GGT1: variants seen among roughly 807,000 people sequenced by gnomAD.
The protein encoded by GGT1 is glutathione hydrolase 1 proenzyme.
In GGT1, 21 loss-of-function variants were observed where a neutral mutation model predicts 56.0. The observed-to-expected ratio is 0.38, with a 90% CI of 0.27 to 0.54. The LOEUF is 0.54. Among genes scored for constraint, GGT1 ranks in the 20% least tolerant of loss-of-function variants. GGT1 has a pLI of 0.82. For missense variants in GGT1, 466 were observed against 787.0 expected, an observed-to-expected ratio of 0.59 and a Z score of 4.88; for synonymous variants, 238 against 342.6, an observed-to-expected ratio of 0.69 and a Z score of 3.37.
At chr22:24,601,291 G>T (rs562376167), upstream of GGT1, among the ~76,000 whole-genome samples, 1 of 152,106 alleles carries the variant, frequency 6.6e-6, no homozygotes, top group African/African-American at 2.4e-5. Context: ...ACCCCACCCC[G>T]CCATGGCCCT....
chr22:24,588,551 A>G, the GGT1 span: 1 of 762,644 alleles, frequency 1.3e-6, no homozygotes. Flanking sequence ...AGGCTGGTCC[A>G]GTCCCGCAGT....
intron 1 of GGT1, among the ~76,000 whole-genome samples, chr22:24,604,833 C>T (rs1305265180): frequency 6.7e-6 from 1 of 148,794 alleles, no homozygotes; most frequent in African/African-American, 2.5e-5. Flanking sequence ...AAAGTGCCTC[C>T]CCTCCTGTCT....
At chr22:24,585,315 G>T in the GGT1 span, among the ~76,000 whole-genome samples, 1 of 152,230 alleles carries the variant, frequency 6.6e-6, no homozygotes, top group Non-Finnish European at 1.5e-5. Context: ...TGAGCTTGCT[G>T]TGGGGCTCCA....
At chr22:24,592,812 C>G (rs1011992746), upstream of GGT1, 5 of 1,266,004 alleles carry the variant, frequency 3.9e-6, 1 homozygote, top group African/African-American at 7.9e-5. Context: ...CCCCCAGACC[C>G]CCAGACCCTC....
intron 4 of GGT1, 98 bp from the exon 5 acceptor site, chr22:24,610,977 G>C: frequency 1.9e-6 from 2 of 1,063,726 alleles, no homozygotes; most frequent in South Asian, 3.0e-5. Context: ...CACAGGCCTT[G>C]TGTTTCTGAG....
chr22:24,599,018 C>A (rs563303461), upstream of GGT1, among the ~76,000 whole-genome samples: 1 of 152,240 alleles, frequency 6.6e-6, no homozygotes, highest in Admixed American at 6.5e-5. Flanking sequence ...CCACCCACCT[C>A]GTCCTCCCAT....
chr22:24,590,522 G>A (rs1230517543), upstream of GGT1, among the ~76,000 whole-genome samples: 1 of 152,150 alleles, frequency 6.6e-6, no homozygotes, highest in African/African-American at 2.4e-5. Flanking sequence ...GTGTTGTGCT[G>A]TGACACTGCC....
intron 7 of GGT1, among the ~76,000 whole-genome samples, chr22:24,618,953 A>G (rs539009608): frequency 2.6e-5 from 4 of 152,258 alleles, no homozygotes; most frequent in Non-Finnish European, 4.4e-5. Flanking sequence ...GACCTCCTCA[A>G]AAGTCAGAAC....
chr22:24,595,459 G>A (rs1051191147), intron 1 of GGT1, among the ~76,000 whole-genome samples: 2 of 152,220 alleles, frequency 1.3e-5, no homozygotes, highest in Non-Finnish European at 2.9e-5. Context: ...GCAGAGCTGT[G>A]TTTGTTGAGA....
chr22:24,608,197 G>C (rs1393060476), intron 2 of GGT1, among the ~76,000 whole-genome samples, 174 bp downstream of exon 2: 2 of 152,182 alleles, frequency 1.3e-5, no homozygotes, highest in East Asian at 3.9e-4. Context: ...TGGAGGGATG[G>C]GAAATGGAAG....
intron 5 of GGT1, among the ~76,000 whole-genome samples, chr22:24,612,226 C>T (rs1601691957): frequency 6.6e-6 from 1 of 150,724 alleles, no homozygotes; most frequent in East Asian, 1.9e-4. Flanking sequence ...AGGTGTGAGC[C>T]ACCACGCCCG....
intron 1 of GGT1, among the ~76,000 whole-genome samples, chr22:24,596,725 C>T (rs1413856483): frequency 2.2e-5 from 3 of 135,138 alleles, no homozygotes. Context: ...TGGTGAAACC[C>T]TGTCTCTACT....
Position 24,628,196 on chromosome 22 carries a change from A to G in GGT1, c.1449+3A>G, listed in dbSNP as rs2047911852. The G allele has an allele frequency of 3.1e-6, 5 of 1,612,036 alleles. No individual in the cohort carries two copies. The East Asian group carries it at 1.1e-4, about 36-fold the overall frequency. On this transcript the variant is annotated splice_donor_region_variant and intron_variant, in intron 14 of 15. Coordinates refer to ENST00000400382, the MANE Select transcript of GGT1 (RefSeq NM_001288833.2). The surrounding 1 kb of genome is among the most constrained non-coding windows in gnomAD (Gnocchi z 5.7). ...AGATCACCACGGCCACTGCACTGGT[A>G]TGTGTCACACCTTTTCTCCCTGGCC... is the stretch of plus-strand genomic sequence containing the variant.
intron 7 of GGT1, among the ~76,000 whole-genome samples, chr22:24,618,623 C>A (rs1026111173): frequency 6.6e-6 from 1 of 152,104 alleles, no homozygotes; most frequent in Non-Finnish European, 1.5e-5. Flanking sequence ...CAAAACAAAA[C>A]AAAAAATAAC....
rs751570876 is a variant in GGT1 at position 24,620,283 on chromosome 22, G to A, written c.383-45G>A. On this transcript the variant is annotated intron_variant, in intron 7 of 15. Transcript: ENST00000400382. This position sits in a 1 kb window ranked among gnomAD's most constrained non-coding sequence, Gnocchi z 5.6. ...TGGGATGCTGCCTGCGAGAGATCCC[G>A]ATGTCCCCCACTCAGGGTCACTAAC... The A allele has an allele frequency of 3.6e-5, 57 of 1,599,734 alleles. No individual in the cohort carries two copies. The highest frequency in any genetic ancestry group is 6.7e-5 in the African/African-American group (5 of 74,650).
Position 24,605,406 on chromosome 22 carries a change from AT to A in GGT1, c.-429+1880del, listed in dbSNP as rs1335249240. On this transcript the variant is annotated intron_variant, in intron 1 of 15. Transcript: ENST00000400382. ...TATAATATGTATTATATATTATATA[AT>A]ATTATATAATATGTATTATATATTA... 2.4e-5 allele frequency among the ~76,000 whole-genome samples: 2 copies of A among 83,458 alleles called. 1 individual carries two copies. Among genetic ancestry groups the A allele is most frequent in the African/African-American group, 1.1e-4 (2 of 18,910 alleles). The allele number at this position is 83,458 out of a possible 152,430, so 54.8% of individuals were successfully genotyped here.
At chr22:24,606,543 C>A (rs1277760890) in intron 1 of GGT1, among the ~76,000 whole-genome samples, 1 of 152,178 alleles carries the variant, frequency 6.6e-6, no homozygotes, top group Non-Finnish European at 1.5e-5. Context: ...GGCTGTCTAG[C>A]CTTCAGGGAC....
At position 24,611,219 on chromosome 22, in the gene GGT1, T is replaced by G. The variant is rs2046631714; in HGVS notation, c.138T>G (p.Asp46Glu). 2.8e-5 allele frequency: 44 copies of G among 1,567,754 alleles called. No homozygotes were observed. Among genetic ancestry groups the G allele is most frequent in the Non-Finnish European group, 3.7e-5 (43 of 1,155,856 alleles). Residue 46 changes from aspartate to glutamate, a missense_variant, in exon 5 of 16, where the codon GAT becomes GAG. Transcript: ENST00000400382. Reference sequence around the variant, plus strand: ...ACACCAGGGCTGCCGTGGCCGCGGATGCCAAGCAGTGCTCGAAGATTGGGA... The same window carrying G: ...ACACCAGGGCTGCCGTGGCCGCGGAGGCCAAGCAGTGCTCGAAGATTGGGA... ...HVYTRAAVAA[D>E]AKQCSKIGRD... is the part of the protein sequence containing the mutation.
In GGT1 at chr22:24,620,556, G is replaced by C. The variant is rs28402861; in HGVS notation, c.575+36G>C. The C allele has an allele frequency of 6.2e-7, 1 of 1,608,462 alleles. No homozygotes were observed. Among genetic ancestry groups the C allele is most frequent in the South Asian group, 1.1e-5 (1 of 88,826 alleles). On this transcript the variant is annotated intron_variant, in intron 8 of 15. Coordinates refer to ENST00000400382, the MANE Select transcript of GGT1 (RefSeq NM_001288833.2). This position sits in a 1 kb window ranked among gnomAD's most constrained non-coding sequence, Gnocchi z 5.6. Reference sequence around the variant, plus strand: ...GGGTGCGGCCCCCTGACACAGGCAGGGCAGGCACAGCCCAAGGACCTTGCA... The same window carrying C: ...GGGTGCGGCCCCCTGACACAGGCAGCGCAGGCACAGCCCAAGGACCTTGCA...
Sources: gnomAD v4.1 joint callset for allele counts (sites outside exome capture counted in the v4.1 genomes callset) on GRCh38, gnomAD v4.1.1 for gene constraint, Gnocchi (gnomAD v3.1) non-coding constraint, MANE v1.5 for transcripts, NCBI Gene and HGNC (gene_info 2026-07-23, HGNC 2026-07-21) for gene names.